Variants in AKR7A2 observed in about 807,000 individuals in gnomAD.
AKR7A2 encodes the protein aldo-keto reductase family 7 member A2, also known as aflatoxin B1 aldehyde reductase member 2.
AKR7A2 carries 29 observed loss-of-function variants against 37.3 expected under a neutral mutation model. The ratio of observed to expected loss-of-function variants is 0.78; its 90% CI spans 0.58 to 1.06. The LOEUF is 1.06. AKR7A2 is among the 50% of genes least tolerant of loss of function. The pLI is 0.00. For missense variants in AKR7A2, 529 were observed against 497.9 expected (o/e 1.06, Z -0.59); for synonymous variants, 228 against 217.8 (o/e 1.05, Z -0.41).
At chr1:19,305,519 T>C in intron 6 of AKR7A2, among the ~76,000 whole-genome samples, 1 of 152,118 alleles carries the variant, frequency 6.6e-6, no homozygotes, top group Non-Finnish European at 1.5e-5. Flanking sequence ...TTTTGATTTG[T>C]TGTAGAGATA....
At chr1:19,309,144 GC>G (rs2093767739) in intron 1 of AKR7A2, among the ~76,000 whole-genome samples, 1 of 152,056 alleles carries the variant, frequency 6.6e-6, no homozygotes, top group Non-Finnish European at 1.5e-5. Flanking sequence ...AGTCAAAGAG[GC>G]AAAAAAACAC....
chr1:19,309,473 T>C (rs140795735), intron 1 of AKR7A2, among the ~76,000 whole-genome samples: 273 of 152,332 alleles, frequency 1.8e-3, no homozygotes, highest in Middle Eastern at 6.8e-3. Flanking sequence ...GAGCAGAATG[T>C]AATTATAATT....
chr1:19,304,216 A>G lies in AKR7A2; in HGVS notation c.*9T>C, dbSNP rs775120933. 1.2e-6 allele frequency: 2 copies of G among 1,614,240 alleles called. No homozygotes were observed. Among genetic ancestry groups the G allele is most frequent in the South Asian group, 2.2e-5 (2 of 91,086 alleles). Reference sequence around the variant, plus strand: ...AGAAAAGCCTTGGGCAGCCTGAGCCATGATGGGCCTAGCGGAAGTAGTTGG... The same window carrying G: ...AGAAAAGCCTTGGGCAGCCTGAGCCGTGATGGGCCTAGCGGAAGTAGTTGG... On this transcript the variant is annotated 3_prime_UTR_variant, in exon 7 of 7. Transcript: ENST00000235835.
intron 3 of AKR7A2, 100 bp from the exon 4 acceptor site, chr1:19,307,510 C>T (rs2093763969): frequency 8.0e-7 from 1 of 1,255,288 alleles, no homozygotes; most frequent in Admixed American, 2.0e-5. Context: ...CCCAGGACTT[C>T]AGCAATATTC....
Position 19,304,281 on chromosome 1 carries a change from C to T in AKR7A2, c.1024G>A (p.Ala342Thr), listed in dbSNP as rs746522182. The T allele has an allele frequency of 6.2e-7, 1 of 1,614,150 alleles. No individual in the cohort carries two copies. Among genetic ancestry groups the T allele is most frequent in the South Asian group, 1.1e-5 (1 of 91,086 alleles). The part of the protein sequence containing the change: ...EGPLEPAVVD[A>T]FNQAWHLVAH... ...ACCAAATGCCAGGCTTGATTAAAGG[C>T]ATCCACGACAGCCGGCTCCAGGGGC... Residue 342 changes from alanine to threonine, a missense_variant, in exon 7 of 7, where the codon GCC (alanine) becomes ACC (threonine). Transcript: ENST00000235835.
intron 1 of AKR7A2, among the ~76,000 whole-genome samples, chr1:19,310,445 C>T (rs1232318049): frequency 1.6e-5 from 2 of 125,860 alleles, no homozygotes; most frequent in African/African-American, 5.1e-5. Context: ...CACCTATAAT[C>T]CCAGCACTTT....
chr1:19,302,956 G>A (rs182500702), downstream of AKR7A2, among the ~76,000 whole-genome samples: 18 of 152,224 alleles, frequency 1.2e-4, no homozygotes, highest in African/African-American at 3.9e-4. Context: ...GGCTCTCAAC[G>A]TGCTGGGATT....
intron 6 of AKR7A2, 135 bp from the exon 7 acceptor site, chr1:19,304,521 A>C (rs2093757777): frequency 2.7e-6 from 4 of 1,503,872 alleles, no homozygotes; most frequent in Non-Finnish European, 2.8e-6. Context: ...AAAGGACTTA[A>C]GGTGCCTTGG....
At position 19,304,363 on chromosome 1, in the gene AKR7A2, G is replaced by T; in HGVS notation, c.942C>A (p.Ile314=). 6.2e-7 allele frequency: 1 copy of T among 1,614,092 alleles called. No individual in the cohort carries two copies. The highest frequency in any genetic ancestry group is 1.3e-5 in the African/African-American group (1 of 75,012). ...GCTGCTCCAGGCTGGACATGCCCAG[G>T]ATGACCGCGTCCCCGTGGGCACCCT... ...QLQGAHGDAV[I]LGMSSLEQLE... Residue 314 remains isoleucine (I), a synonymous_variant, in exon 7 of 7, where the codon ATC becomes ATA. Transcript: ENST00000235835.
intron 4 of AKR7A2, 103 bp downstream of exon 4, chr1:19,307,211 C>T: frequency 1.9e-6 from 3 of 1,590,664 alleles, no homozygotes; most frequent in South Asian, 1.1e-5. Flanking sequence ...GGCTGAAGAA[C>T]ACAGCCCAGC....
chr1:19,309,921 C>T (rs1014307854), intron 1 of AKR7A2, among the ~76,000 whole-genome samples: 2 of 151,918 alleles, frequency 1.3e-5, no homozygotes, highest in Admixed American at 1.3e-4. Flanking sequence ...ACTAAAAATA[C>T]AAAAATTAGC....
At chr1:19,305,990 A>C in intron 6 of AKR7A2, 28 bp downstream of exon 6, 1 of 1,613,370 alleles carries the variant, frequency 6.2e-7, no homozygotes, top group Non-Finnish European at 8.5e-7. Context: ...GGAAGGGAAG[A>C]AGCTGAGCAC....
Position 19,308,165 on chromosome 1 carries a change from A to T in AKR7A2, c.584T>A (p.Val195Glu), listed in dbSNP as rs747765181. 6.2e-7 allele frequency: 1 copy of T among 1,614,074 alleles called. No individual in the cohort carries two copies. The highest frequency in any genetic ancestry group is 2.2e-5 in the East Asian group (1 of 44,880). ...CKSNGWILPTVYQGMYNATTR... is the reference protein window; with the variant it reads ...CKSNGWILPTEYQGMYNATTR... Reference sequence around the variant, plus strand: ...TGCAGCCCCGGCCCTCACCTGGTACACAGTGGGCAGGATCCAGCCATTGCT... The same window carrying T: ...TGCAGCCCCGGCCCTCACCTGGTACTCAGTGGGCAGGATCCAGCCATTGCT... The change falls in exon 3 of 7, where the codon GTG becomes GAG. Residue 195 changes from valine to glutamate, a missense_variant. Physicochemically the swap from Val to Glu is moderately radical, Grantham distance 121. Coordinates refer to ENST00000235835, the MANE Select transcript of AKR7A2 (RefSeq NM_003689.4).
intron 1 of AKR7A2, 52 bp downstream of exon 1, chr1:19,311,775 G>A (rs879601402): frequency 1.6e-4 from 257 of 1,605,876 alleles, no homozygotes; most frequent in Admixed American, 7.0e-4. Flanking sequence ...GCACGGCTGG[G>A]GACAGGCTCA....
rs2231195 is a variant in AKR7A2, at chr1:19,311,763, G to T, written c.298+64C>A. The T allele has an allele frequency of 8.1e-6, 13 of 1,598,688 alleles. No homozygotes were observed. The African/African-American group carries it at 1.2e-4, about 15-fold the overall frequency. On this transcript the variant is annotated intron_variant, in intron 1 of 6. Coordinates refer to ENST00000235835, the MANE Select transcript of AKR7A2 (RefSeq NM_003689.4). ...CCCGCGGCCGGGCCCGAGCGGGGTG[G>T]TGCACGGCTGGGGACAGGCTCAGCT...
chr1:19,309,900 ACT>A (rs1265144820), intron 1 of AKR7A2, among the ~76,000 whole-genome samples: 3 of 151,920 alleles, frequency 2.0e-5, no homozygotes, highest in Non-Finnish European at 4.4e-5. Context: ...ACATGGTGAA[ACT>A]CTGTCTCTAC....
chr1:19,305,420 C>G (rs1378523065), intron 6 of AKR7A2, among the ~76,000 whole-genome samples: 1 of 152,110 alleles, frequency 6.6e-6, no homozygotes, highest in Non-Finnish European at 1.5e-5. Flanking sequence ...TCACTGCAGC[C>G]TTGACCTCCC....
At chr1:19,304,449 T>A in intron 6 of AKR7A2, 63 bp from the exon 7 acceptor site, 1 of 1,613,396 alleles carries the variant, frequency 6.2e-7, no homozygotes. Context: ...CTCACAGCCG[T>A]CCCAGCCACC....
chr1:19,308,738 G>GT lies in AKR7A2; in HGVS notation c.299-97dup, dbSNP rs1569694722. ...TACTAATATTCTCTTGGCCTCAATT[G>GT]TATGATCTGTAAAATGGGGTGATAA... On this transcript the variant is annotated intron_variant, in intron 1 of 6. Coordinates refer to ENST00000235835, the MANE Select transcript of AKR7A2 (RefSeq NM_003689.4). 5 of 1,212,864 alleles carry GT rather than the reference G, an allele frequency of 4.1e-6. No individual in the cohort carries two copies. In the East Asian group the frequency reaches 1.2e-4, roughly 29 times the overall value. 75.1% of individuals were successfully genotyped at this position (1,212,864 alleles called of 1,614,324 possible). A position where few individuals can be genotyped will look rare whatever the true frequency, so the allele number is the denominator to read the frequency against.
Sources: allele counts gnomAD v4.1 joint callset (sites outside exome capture counted in the v4.1 genomes callset), GRCh38; gene constraint gnomAD v4.1.1; transcripts MANE v1.5; gene names NCBI Gene and HGNC (gene_info 2026-07-23, HGNC 2026-07-21).